The following ZAN variants were observed in gnomAD, a reference collection of about 807,000 sequenced individuals.
The protein encoded by ZAN is zonadhesin.
In ZAN, 260 loss-of-function variants were observed where a neutral mutation model predicts 286.2. The observed-to-expected ratio is 0.91, with a 90% CI of 0.82 to 1.01. The LOEUF is 1.01. Ranked by LOEUF, ZAN falls within the 50% of genes least tolerant of loss-of-function variation. ZAN has a pLI of 0.00. For synonymous variants in ZAN, 1,368 were observed against 1,417.5 expected (o/e 0.97, Z 0.79); for missense variants, 3,410 against 3,639.2 (o/e 0.94, Z 1.62).
chr7:100,771,703 A>AT (rs1810376660), intron 28 of ZAN, 141 bp from the exon 29 acceptor site: 2 of 861,266 alleles, frequency 2.3e-6, no homozygotes, highest in East Asian at 5.4e-5. Flanking sequence ...AAGTGCTGGG[A>AT]TTACAGGTGT....
chr7:100,777,646 G>A (rs1170079053), intron 34 of ZAN, among the ~76,000 whole-genome samples: 3 of 152,108 alleles, frequency 2.0e-5, no homozygotes, highest in Non-Finnish European at 2.9e-5. Flanking sequence ...ACAGGCATGA[G>A]CCACTGTGCC....
rs754703945 is a variant in ZAN at position 100,759,807 on chromosome 7, G to T, written c.3658G>T (p.Glu1220Ter). 1 of 1,611,416 alleles carries T rather than the reference G, an allele frequency of 6.2e-7. No individual in the cohort carries two copies. The highest frequency in any genetic ancestry group is 8.5e-7 in the Non-Finnish European group (1 of 1,179,034). ...GAGCAAAGTCTACGTGACCCTGCCC[G>T]AGAGCACCGTCACCCTGCTTAAGGG... ...CLSKVYVTLPESTVTLLKGRR... is the reference protein window; with the variant it reads ...CLSKVYVTLP Residue 1220 changes from glutamate to a stop codon, truncating the protein, a stop_gained, in exon 18 of 48, where the codon GAG becomes TAG. Transcript: ENST00000613979. LOFTEE classifies it high-confidence loss of function.
Position 100,791,101 on chromosome 7 carries a change from T to C in ZAN, c.7517T>C (p.Leu2506Pro). ...SWEVKTEDAL[L>P]RFPRAIPAEE... is the part of the protein sequence containing the mutation. ...GAGGTGAAGACCGAGGACGCACTCC[T>C]GCGCTTCCCCAGGTGCACGGCCTGG... Residue 2506 changes from leucine (L) to proline (P), a missense_variant, in exon 40 of 48, where the codon CTG becomes CCG. Physicochemically the swap from Leu to Pro is moderately conservative, Grantham distance 98 (BLOSUM62 -3). Coordinates refer to ENST00000613979, the MANE Select transcript of ZAN (RefSeq NM_003386.3). 6.2e-7 allele frequency: 1 copy of C among 1,611,774 alleles called. No individual in the cohort carries two copies. The highest frequency in any genetic ancestry group is 2.2e-5 in the East Asian group (1 of 44,840).
intron 42 of ZAN, 64 bp downstream of exon 42, chr7:100,792,543 C>G: frequency 6.2e-7 from 1 of 1,603,928 alleles, no homozygotes; most frequent in Non-Finnish European, 8.5e-7. Flanking sequence ...GCACCCTCTG[C>G]GGTGAGGTGT....
At chr7:100,744,651 C>T (rs944773238) in intron 7 of ZAN, among the ~76,000 whole-genome samples, 1 of 151,296 alleles carries the variant, frequency 6.6e-6, no homozygotes, top group Non-Finnish European at 1.5e-5. Context: ...TTAAGAAGCC[C>T]TGGCCCCACC....
In ZAN at chr7:100,753,206, C is replaced by G; in HGVS notation, c.3101C>G (p.Thr1034Ser). ...ATGACCAGTGTGATTCTGGGCACTA[C>G]CACAACCTCCAGATCCAGTACAGGT... ...TPMTSVILGT[T>S]TTSRSSTERC... Residue 1034 changes from threonine to serine, a missense_variant, in exon 14 of 48, where the codon ACC (threonine) becomes AGC (serine). Transcript: ENST00000613979. 1 of 1,602,254 alleles carries G rather than the reference C, an allele frequency of 6.2e-7. No individual in the cohort carries two copies. Among genetic ancestry groups the G allele is most frequent in the South Asian group, 1.1e-5 (1 of 89,604 alleles).
In ZAN at chr7:100,736,526, C is replaced by T; in HGVS notation, c.150C>T (p.Leu50=). The T allele has an allele frequency of 2.6e-6, 4 of 1,524,176 alleles. 1 individual carries two copies. The highest frequency in any genetic ancestry group is 3.6e-6 in the Non-Finnish European group (4 of 1,108,160). 94.4% of individuals were successfully genotyped at this position (1,524,176 alleles called of 1,614,324 possible). A position where few individuals can be genotyped will look rare whatever the true frequency, so the allele number is the denominator to read the frequency against. ...QCDFEDDAKP[L]CDWSQVSADD... ...ATTTTGAGGATGACGCCAAACCCCT[C>T]TGTGACTGGTCCCAAGTGTCCGCAG... Residue 50 remains leucine (L), a synonymous_variant, in exon 4 of 48, where the codon CTC becomes CTT. Transcript: ENST00000613979.
chr7:100,742,793 C>T (rs1314724533), intron 7 of ZAN, among the ~76,000 whole-genome samples: 2 of 44,650 alleles, frequency 4.5e-5, no homozygotes, highest in Non-Finnish European at 9.6e-5. Context: ...TGCAGTGAGC[C>T]GAGATGGCAG....
intron 24 of ZAN, 107 bp from the exon 25 acceptor site, chr7:100,766,903 G>C: frequency 2.6e-6 from 4 of 1,539,996 alleles, no homozygotes; most frequent in Non-Finnish European, 3.5e-6. Context: ...ATCTGTGGGT[G>C]GGCCGTGGGG....
chr7:100,784,724 TCTGC>T lies in ZAN; in HGVS notation c.6729_6732del (p.Cys2244LeufsTer12). The T allele has an allele frequency of 6.2e-7, 1 of 1,613,926 alleles. No homozygotes were observed. Among genetic ancestry groups the T allele is most frequent in the East Asian group, 2.2e-5 (1 of 44,864 alleles). On this transcript the variant is annotated frameshift_variant, in exon 36 of 48. Coordinates refer to ENST00000613979, the MANE Select transcript of ZAN (RefSeq NM_003386.3). LOFTEE classifies it high-confidence loss of function. The stretch of plus-strand genomic sequence containing the variant: ...CCGGTGTGAGGGCGCCAAAGTCCCC[TCTGC>T]CTGCGCTGAGGGCTGCATTTGTCAG...
In ZAN at chr7:100,738,585, G is replaced by T; in HGVS notation, c.738G>T (p.Gly246=). The change falls in exon 7 of 48, where the codon GGG becomes GGT. Residue 246 remains glycine (G), a synonymous_variant. Coordinates refer to ENST00000613979, the MANE Select transcript of ZAN (RefSeq NM_003386.3). The part of the protein sequence containing the change: ...KKGSSGKPGV[G]PDGDFSSPGS... Reference sequence around the variant, plus strand: ...GGTCATCAGGAAAGCCAGGCGTGGGGCCTGATGGCGACTTCTCTAGCCCTG... The same window carrying T: ...GGTCATCAGGAAAGCCAGGCGTGGGTCCTGATGGCGACTTCTCTAGCCCTG... 1.3e-6 allele frequency: 2 copies of T among 1,517,960 alleles called. No homozygotes were observed. The highest frequency in any genetic ancestry group is 9.0e-7 in the Non-Finnish European group (1 of 1,105,176). 94.0% of individuals were successfully genotyped at this position (1,517,960 alleles called of 1,614,324 possible).
chr7:100,743,439 A>G (rs1308033865), intron 7 of ZAN, among the ~76,000 whole-genome samples: 3 of 151,900 alleles, frequency 2.0e-5, no homozygotes, highest in Non-Finnish European at 4.4e-5. Flanking sequence ...TCTCTCTCAC[A>G]CAACATTCAC....
At chr7:100,777,083 AC>A (rs1810869848) in intron 34 of ZAN, among the ~76,000 whole-genome samples, 1 of 148,586 alleles carries the variant, frequency 6.7e-6, no homozygotes, top group African/African-American at 2.5e-5. Flanking sequence ...TTGCTCTGTC[AC>A]CCAGGCTGGA....
At position 100,792,470 on chromosome 7, in the gene ZAN, T is replaced by C. The variant is rs569177596; in HGVS notation, c.7778T>C (p.Val2593Ala). Residue 2593 changes from valine (V) to alanine (A), a missense_variant, in exon 42 of 48, where the codon GTC (valine) becomes GCC (alanine). Transcript: ENST00000613979. ...GAGCAAGAGGAGCTGCGTTGCCAGGTCCTCAGTGGGTACGCCATCCTCTGC... is the reference window on the plus strand; with the variant it reads ...GAGCAAGAGGAGCTGCGTTGCCAGGCCCTCAGTGGGTACGCCATCCTCTGC... Reference protein sequence around the residue: ...PREQEELRCQVLSGHGVSSRY... With the variant: ...PREQEELRCQALSGHGVSSRY... 3 of 1,613,882 alleles carry C rather than the reference T, an allele frequency of 1.9e-6. No individual in the cohort carries two copies. The highest frequency in any genetic ancestry group is 3.3e-5 in the Admixed American group (2 of 60,022).
intron 17 of ZAN, 75 bp from the exon 18 acceptor site, chr7:100,759,646 C>A: frequency 6.8e-7 from 1 of 1,467,460 alleles, no homozygotes; most frequent in Non-Finnish European, 9.1e-7. Flanking sequence ...CCTGCGGCGC[C>A]AGGCTCAGGG....
chr7:100,790,255 C>T (rs570389389), intron 39 of ZAN, among the ~76,000 whole-genome samples: 27 of 151,966 alleles, frequency 1.8e-4, no homozygotes, highest in Middle Eastern at 3.4e-3. Flanking sequence ...CAGAGCAAGA[C>T]CCTGCTTTAA....
chr7:100,742,107 A>T (rs1172443065), intron 7 of ZAN, among the ~76,000 whole-genome samples: 9 of 26,896 alleles, frequency 3.3e-4, no homozygotes, highest in Middle Eastern at 0.036. Context: ...CTCACTTCTC[A>T]GACGGGGTGG....
chr7:100,780,305 T>A (rs963284506), intron 35 of ZAN, among the ~76,000 whole-genome samples: 4 of 152,142 alleles, frequency 2.6e-5, no homozygotes, highest in Admixed American at 1.3e-4. Flanking sequence ...GAGTTTTTTT[T>A]AATAGGTAAC....
chr7:100,756,188 T>C (rs1016345728), intron 15 of ZAN, among the ~76,000 whole-genome samples: 2 of 152,208 alleles, frequency 1.3e-5, no homozygotes, highest in Admixed American at 6.5e-5. Flanking sequence ...TGAAATTAAG[T>C]CCTAACACAT....
Sources: allele counts gnomAD v4.1 joint callset (sites outside exome capture counted in the v4.1 genomes callset), GRCh38; gene constraint gnomAD v4.1.1; transcripts MANE v1.5; gene names NCBI Gene and HGNC (gene_info 2026-07-23, HGNC 2026-07-21).